The following EPHB2 variants were observed in gnomAD, a reference collection of about 807,000 sequenced individuals.
EPHB2 encodes the protein ephrin type-B receptor 2.
EPHB2 carries 18 observed loss-of-function variants against 96.4 expected under a neutral mutation model. The observed-to-expected ratio is 0.19, with a 90% CI of 0.13 to 0.28. The LOEUF (loss-of-function observed/expected upper bound fraction) is 0.28, where lower values mean the gene tolerates loss of function less well. Ranked by LOEUF, EPHB2 falls within the 10% of genes least tolerant of loss-of-function variation. The pLI, the probability that EPHB2 is intolerant of heterozygous loss-of-function variation, is 1.00. For missense variants in EPHB2, 989 were observed against 1,355.4 expected, an observed-to-expected ratio of 0.73 and a Z score of 4.25; for synonymous variants, 506 against 534.1, an observed-to-expected ratio of 0.95 and a Z score of 0.72.
chr1:22,806,293 A>G (rs1644923914), intron 3 of EPHB2, among the ~76,000 whole-genome samples: 2 of 152,236 alleles, frequency 1.3e-5, no homozygotes, highest in Non-Finnish European at 2.9e-5. Context: ...TATACAGCTA[A>G]TAAGTGGCAG....
rs1644600648 is a variant in EPHB2, at chr1:22,785,652, G to A, written c.811+576G>A. On this transcript the variant is annotated intron_variant, in intron 3 of 15. Coordinates refer to ENST00000374630, the MANE Select transcript of EPHB2 (RefSeq NM_017449.5). Reference sequence around the variant, plus strand: ...TGCAGGGCAGACAGATGGAAGGAGTGTGGCAGTTGGAATACTGGCTTTAAA... The same window carrying A: ...TGCAGGGCAGACAGATGGAAGGAGTATGGCAGTTGGAATACTGGCTTTAAA... 2.6e-5 allele frequency among the ~76,000 whole-genome samples: 4 copies of A among 152,218 alleles called. No homozygotes were observed. In the South Asian group the frequency reaches 8.3e-4, roughly 31 times the overall value.
chr1:22,744,753 G>A (rs1643947908), intron 1 of EPHB2, among the ~76,000 whole-genome samples: 1 of 151,222 alleles, frequency 6.6e-6, no homozygotes, highest in Non-Finnish European at 1.5e-5. Flanking sequence ...CTATTTGGGA[G>A]GCAGAGACAG....
intron 3 of EPHB2, among the ~76,000 whole-genome samples, chr1:22,799,327 C>G (rs1181066946): frequency 6.6e-6 from 1 of 152,124 alleles, no homozygotes; most frequent in Non-Finnish European, 1.5e-5. Context: ...CAGACACCCA[C>G]AAGCAGGAAG....
At chr1:22,779,661 A>G (rs1418119387) in intron 1 of EPHB2, among the ~76,000 whole-genome samples, 2 of 152,214 alleles carry the variant, frequency 1.3e-5, no homozygotes, top group Non-Finnish European at 2.9e-5. Flanking sequence ...GCTAGGAGGC[A>G]AGACACCTGC....
At chr1:22,849,107 TA>T (rs960959608) in intron 3 of EPHB2, among the ~76,000 whole-genome samples, 1 of 152,080 alleles carries the variant, frequency 6.6e-6, no homozygotes, top group African/African-American at 2.4e-5. Flanking sequence ...AGCAAATGGG[TA>T]TTAAGTCTCT....
chr1:22,909,851 G>C (rs1640036670), intron 13 of EPHB2, among the ~76,000 whole-genome samples: 1 of 152,218 alleles, frequency 6.6e-6, no homozygotes, highest in Non-Finnish European at 1.5e-5. Context: ...GGCTGAGAGG[G>C]GTGTTTGGAT....
intron 3 of EPHB2, among the ~76,000 whole-genome samples, chr1:22,854,723 C>G (rs1292985614): frequency 6.6e-6 from 1 of 152,182 alleles, no homozygotes; most frequent in Non-Finnish European, 1.5e-5. Context: ...CCTAGGCACA[C>G]AGTGCTTAGA....
intron 1 of EPHB2, among the ~76,000 whole-genome samples, chr1:22,771,069 G>A (rs979262921): frequency 6.6e-6 from 1 of 152,174 alleles, no homozygotes; most frequent in South Asian, 2.1e-4. Context: ...CAGACACCCA[G>A]AATGATGATG....
chr1:22,745,821 G>C (rs1457358532), intron 1 of EPHB2, among the ~76,000 whole-genome samples: 2 of 152,194 alleles, frequency 1.3e-5, no homozygotes, highest in Non-Finnish European at 2.9e-5. Context: ...TGTGAGCGCA[G>C]CGGGGCCTGG....
intron 9 of EPHB2, among the ~76,000 whole-genome samples, chr1:22,900,533 G>A (rs774481532): frequency 8.5e-5 from 13 of 152,158 alleles, no homozygotes; most frequent in Non-Finnish European, 1.9e-4. Context: ...ATGAACTCCA[G>A]CTGTCTGGCT....
intron 1 of EPHB2, chr1:22,774,701 C>A: frequency 1.2e-6 from 1 of 815,034 alleles, no homozygotes; most frequent in Non-Finnish European, 1.5e-6. Context: ...GGACTTGATC[C>A]TTCAGGCAGC....
intron 13 of EPHB2, 28 bp downstream of exon 13, chr1:22,909,199 C>T (rs1296178085): frequency 6.2e-7 from 1 of 1,614,090 alleles, no homozygotes; most frequent in Admixed American, 1.7e-5. Context: ...TAGGCAAGGC[C>T]TCTCTGGCCC....
intron 3 of EPHB2, among the ~76,000 whole-genome samples, chr1:22,809,495 T>A (rs1644974239): frequency 6.6e-6 from 1 of 152,230 alleles, no homozygotes; most frequent in Admixed American, 6.5e-5. Flanking sequence ...ACGTATATGT[T>A]ATATACATAC....
In EPHB2 at chr1:22,912,558, C is replaced by T. The variant is rs201185822; in HGVS notation, c.2811C>T (p.Ala937=). The T allele has an allele frequency of 2.9e-5, 47 of 1,614,110 alleles. No individual in the cohort carries two copies. In the East Asian group the frequency reaches 3.8e-4, roughly 13 times the overall value. ...MGQYKESFAN[A]GFTSFDVVSQ... is the part of the protein sequence containing the mutation. ...AGTACAAGGAGAGCTTCGCCAATGCCGGCTTCACCTCCTTTGACGTCGTGT... is the reference window on the plus strand; with the variant it reads ...AGTACAAGGAGAGCTTCGCCAATGCTGGCTTCACCTCCTTTGACGTCGTGT... Residue 937 remains alanine, a synonymous_variant, in exon 15 of 16, where the codon GCC becomes GCT. Coordinates refer to ENST00000374630, the MANE Select transcript of EPHB2 (RefSeq NM_017449.5).
chr1:22,886,695 C>T (rs938421101), intron 6 of EPHB2, among the ~76,000 whole-genome samples: 7 of 145,990 alleles, frequency 4.8e-5, no homozygotes, highest in African/African-American at 1.3e-4. Flanking sequence ...GGCACAATCT[C>T]GGCTCACCAC....
At chr1:22,757,884 C>A (rs1425800201) in intron 1 of EPHB2, among the ~76,000 whole-genome samples, 2 of 142,800 alleles carry the variant, frequency 1.4e-5, no homozygotes, top group Non-Finnish European at 3.0e-5. Context: ...AAAATCAGAC[C>A]ATGCTCACTA....
At chr1:22,792,443 G>T (rs1644708242) in intron 3 of EPHB2, among the ~76,000 whole-genome samples, 1 of 152,154 alleles carries the variant, frequency 6.6e-6, no homozygotes, top group Non-Finnish European at 1.5e-5. Context: ...GACCACACAG[G>T]CCAGCCTTTT....
At chr1:22,716,098 G>A (rs1330061273) in intron 1 of EPHB2, among the ~76,000 whole-genome samples, 3 of 152,168 alleles carry the variant, frequency 2.0e-5, no homozygotes, top group African/African-American at 7.2e-5. Context: ...AACCCCCCAA[G>A]TGTGGACAGA....
intron 3 of EPHB2, among the ~76,000 whole-genome samples, chr1:22,810,949 T>C (rs1458272873): frequency 6.6e-6 from 1 of 151,940 alleles, no homozygotes; most frequent in Non-Finnish European, 1.5e-5. Context: ...CCAAACAGGC[T>C]CTTATTAAAA....
Sources: gnomAD v4.1 joint callset for allele counts (sites outside exome capture counted in the v4.1 genomes callset) on GRCh38, gnomAD v4.1.1 for gene constraint, MANE v1.5 for transcripts, NCBI Gene and HGNC (gene_info 2026-07-23, HGNC 2026-07-21) for gene names.